Variants in CLEC4C observed in about 807,000 individuals in gnomAD.
CLEC4C encodes the protein C-type lectin domain family 4 member C, also known as C-type (calcium dependent, carbohydrate-recognition domain) lectin, superfamily member 11.
Under a neutral mutation model 27.7 loss-of-function variants are expected in CLEC4C, and 17 were observed. The ratio of observed to expected loss-of-function variants is 0.61; its 90% CI spans 0.42 to 0.92. The LOEUF (loss-of-function observed/expected upper bound fraction) is 0.92, where lower values mean the gene tolerates loss of function less well. Among genes scored for constraint, CLEC4C ranks in the 40% least tolerant of loss-of-function variants. The pLI, the probability that CLEC4C is intolerant of heterozygous loss-of-function variation, is 0.00. For missense variants in CLEC4C, 244 were observed against 257.3 expected, an observed-to-expected ratio of 0.95 and a Z score of 0.35; for synonymous variants, 80 against 80.8, an observed-to-expected ratio of 0.99 and a Z score of 0.06.
chr12:7,747,561 G>T, upstream of CLEC4C: 1 of 333,598 alleles, frequency 3.0e-6, no homozygotes, highest in Non-Finnish European at 5.5e-6. Flanking sequence ...ATCATGTTCA[G>T]AAATAAGGAA....
chr12:7,743,489 A>G (rs1864905695), intron 2 of CLEC4C, among the ~76,000 whole-genome samples: 1 of 149,458 alleles, frequency 6.7e-6, no homozygotes, highest in African/African-American at 2.5e-5. Context: ...GGTTCATGCC[A>G]TTCTCCTGCC....
intron 4 of CLEC4C, 31 bp downstream of exon 4, chr12:7,737,398 T>A (rs1436395934): frequency 6.4e-7 from 1 of 1,554,516 alleles, no homozygotes. Flanking sequence ...AGGAAACAGA[T>A]TAGCTGACCA....
intron 4 of CLEC4C, among the ~76,000 whole-genome samples, chr12:7,732,093 G>C (rs984710496): frequency 6.6e-6 from 1 of 152,018 alleles, no homozygotes; most frequent in African/African-American, 2.4e-5. Flanking sequence ...GCAGTGGCAC[G>C]ATCTCGGGTC....
In CLEC4C at chr12:7,746,387, G is replaced by A; in HGVS notation, c.68C>T (p.Ser23Phe). ...GLWWFQLKVWSMAVVSILLLS... is the reference protein window; with the variant it reads ...GLWWFQLKVWFMAVVSILLLS... ...GAGCAAGATGGATACGACTGCCATG[G>A]ACCAGACCTTCAACTGGAACCACCA... Residue 23 changes from serine (S) to phenylalanine (F), a missense_variant, in exon 2 of 6, where the codon TCC (serine) becomes TTC (phenylalanine). Physicochemically the swap from Ser to Phe is radical, Grantham distance 155. Coordinates refer to ENST00000360345, the MANE Select transcript of CLEC4C (RefSeq NM_001371390.1). 1 of 1,613,796 alleles carries A rather than the reference G, an allele frequency of 6.2e-7. No individual in the cohort carries two copies. The highest frequency in any genetic ancestry group is 8.5e-7 in the Non-Finnish European group (1 of 1,179,822).
intron 4 of CLEC4C, among the ~76,000 whole-genome samples, chr12:7,736,687 T>G (rs1157009648): frequency 2.0e-5 from 3 of 152,044 alleles, no homozygotes; most frequent in African/African-American, 7.2e-5. Flanking sequence ...GACGGGCAGA[T>G]CACGAGGTCA....
intron 2 of CLEC4C, among the ~76,000 whole-genome samples, chr12:7,745,675 T>C (rs1864958792): frequency 6.6e-6 from 1 of 151,518 alleles, no homozygotes; most frequent in Admixed American, 6.6e-5. Flanking sequence ...TCAGGTGATC[T>C]GCCTGCCTTG....
At chr12:7,743,201 G>A (rs765335915) in intron 2 of CLEC4C, among the ~76,000 whole-genome samples, 2 of 151,960 alleles carry the variant, frequency 1.3e-5, no homozygotes, top group Non-Finnish European at 2.9e-5. Context: ...AGGTCTTTTG[G>A]TTTTTCCATA....
Position 7,737,464 on chromosome 12 carries a change from C to T in CLEC4C, c.346G>A (p.Ala116Thr), listed in dbSNP as rs749952691. ...CTGGTGTTGATCACCACCAGATCAG[C>T]CCCCATCACAGAACAGTTCTTTTGA... ...KSQKNCSVMG[A>T]DLVVINTREE... Residue 116 changes from alanine (A) to threonine (T), a missense_variant, in exon 4 of 6, where the codon GCT (alanine) becomes ACT (threonine). Transcript: ENST00000360345. The T allele has an allele frequency of 6.2e-7, 1 of 1,613,830 alleles. No homozygotes were observed. The highest frequency in any genetic ancestry group is 1.1e-5 in the South Asian group (1 of 91,052).
chr12:7,747,922 C>CCA (rs1555106683), upstream of CLEC4C, among the ~76,000 whole-genome samples: 3 of 104,916 alleles, frequency 2.9e-5, no homozygotes, highest in Non-Finnish European at 5.4e-5. Flanking sequence ...ACTCCATCTC[C>CCA]AAAAAAAAAA....
rs1230508673 is a variant in CLEC4C at position 7,730,796 on chromosome 12, C to T, written c.497+1G>A. ...TGTCCTTTACCTCATTCTATACTCA[C>T]GTGACATTTTCATTGTATGGTGTCT... On this transcript the variant is annotated splice_donor_variant, in intron 5 of 5. Transcript: ENST00000360345. LOFTEE classifies it high-confidence loss of function. The T allele has an allele frequency of 8.5e-6, 13 of 1,531,344 alleles. No individual in the cohort carries two copies. The highest frequency in any genetic ancestry group is 2.2e-5 in the South Asian group (2 of 89,438). 94.9% of individuals were successfully genotyped at this position (1,531,344 alleles called of 1,614,324 possible).
Position 7,739,762 on chromosome 12 carries a change from C to T in CLEC4C, c.235+1659G>A, listed in dbSNP as rs755462227. ...CAGTGTAATTGCTGCTTACTGTAGCCTCAACCTCCGGAGCTCAACTGATCC... is the reference window on the plus strand; with the variant it reads ...CAGTGTAATTGCTGCTTACTGTAGCTTCAACCTCCGGAGCTCAACTGATCC... On this transcript the variant is annotated intron_variant, in intron 3 of 5. Transcript: ENST00000360345. 5.9e-5 allele frequency among the ~76,000 whole-genome samples: 9 copies of T among 152,004 alleles called. 1 individual carries two copies. The highest frequency in any genetic ancestry group is 1.3e-4 in the Non-Finnish European group (9 of 68,012).
At chr12:7,740,946 T>C (rs997110138) in intron 3 of CLEC4C, among the ~76,000 whole-genome samples, 3 of 151,638 alleles carry the variant, frequency 2.0e-5, no homozygotes, top group African/African-American at 7.2e-5. Context: ...GTTTACACCA[T>C]TCTCCTGCCT....
chr12:7,730,104 T>G (rs1244883808), intron 5 of CLEC4C, among the ~76,000 whole-genome samples: 1 of 152,182 alleles, frequency 6.6e-6, no homozygotes, highest in African/African-American at 2.4e-5. Context: ...CAAATATTTT[T>G]TTTCCCTAGT....
rs74517204 is a variant in CLEC4C at position 7,743,760 on chromosome 12, G to A, written c.125-2229C>T. ...AATTTATGTCTTTAAGTTCTTGCAT[G>A]TCTTCTTTCCTCTCAGATAATTAAA... On this transcript the variant is annotated intron_variant, in intron 2 of 5. Transcript: ENST00000360345. Among the ~76,000 whole-genome samples the A allele has an allele frequency of 7.9e-3, 1,207 of 152,210 alleles. 21 individuals carry two copies. The highest frequency in any genetic ancestry group is 0.026 in the African/African-American group (1,096 of 41,536).
chr12:7,747,490 A>G (rs1228147541), upstream of CLEC4C: 1 of 758,986 alleles, frequency 1.3e-6, no homozygotes, highest in African/African-American at 1.7e-5. Context: ...TACTCTTGCA[A>G]AGGAAGAGAT....
intron 2 of CLEC4C, 60 bp downstream of exon 2, chr12:7,746,271 T>G (rs560793541): frequency 4.5e-6 from 4 of 895,326 alleles, no homozygotes; most frequent in Non-Finnish European, 5.2e-6. Flanking sequence ...CTTCAGGAAA[T>G]TGATAAAATG....
rs1864535580 is a variant in CLEC4C at position 7,729,405 on chromosome 12, T to G, written c.*191A>C. 1 of 537,466 alleles carries G rather than the reference T, an allele frequency of 1.9e-6. No individual in the cohort carries two copies. The highest frequency in any genetic ancestry group is 3.8e-5 in the Admixed American group (1 of 26,088). The allele number at this position is 537,466 out of a possible 1,614,324, so 33.3% of individuals were successfully genotyped here. On this transcript the variant is annotated 3_prime_UTR_variant, in exon 6 of 6. Coordinates refer to ENST00000360345, the MANE Select transcript of CLEC4C (RefSeq NM_001371390.1). The stretch of plus-strand genomic sequence containing the variant: ...AAATGTTCACTAAACACTCATTTTA[T>G]GAATGAATAAATGAATAAATGAATA...
chr12:7,744,067 C>A (rs772226049), intron 2 of CLEC4C, among the ~76,000 whole-genome samples: 1 of 152,148 alleles, frequency 6.6e-6, no homozygotes, highest in African/African-American at 2.4e-5. Flanking sequence ...CTTATTCCTT[C>A]GAGGAGGGTG....
intron 2 of CLEC4C, among the ~76,000 whole-genome samples, chr12:7,743,591 C>A (rs1345589778): frequency 2.0e-5 from 3 of 151,820 alleles, no homozygotes; most frequent in Non-Finnish European, 4.4e-5. Context: ...CAGGGTTTCA[C>A]CATGGTCTCG....
Sources: gnomAD v4.1 joint callset for allele counts (sites outside exome capture counted in the v4.1 genomes callset) on GRCh38, gnomAD v4.1.1 for gene constraint, MANE v1.5 for transcripts, NCBI Gene and HGNC (gene_info 2026-07-23, HGNC 2026-07-21) for gene names.